CDH10: variants seen among roughly 807,000 people sequenced by gnomAD.
CDH10 encodes the protein cadherin-10.
A neutral mutation model predicts 73.1 loss-of-function variants in CDH10; 30 were observed. The observed-to-expected ratio is 0.41, with a 90% CI of 0.31 to 0.56. The LOEUF (loss-of-function observed/expected upper bound fraction) is 0.56. Among genes scored for constraint, CDH10 ranks in the 20% least tolerant of loss-of-function variants. The pLI is 0.27. For missense variants in CDH10, 815 were observed against 973.7 expected (o/e 0.84, Z 2.17); for synonymous variants, 345 against 348.2 (o/e 0.99, Z 0.10).
At chr5:24,617,668 C>T (rs1408820167) in intron 1 of CDH10, among the ~76,000 whole-genome samples, 1 of 151,956 alleles carries the variant, frequency 6.6e-6, no homozygotes, top group African/African-American at 2.4e-5. Context: ...AATATCTGAC[C>T]ACAAATTAAT....
chr5:24,560,063 T>C (rs555863399), intron 2 of CDH10, among the ~76,000 whole-genome samples: 1 of 152,290 alleles, frequency 6.6e-6, no homozygotes, highest in Non-Finnish European at 1.5e-5. Flanking sequence ...CTTTAACTTT[T>C]TAATTTAACA....
At chr5:24,572,090 A>G (rs567788025) in intron 2 of CDH10, among the ~76,000 whole-genome samples, 1 of 152,280 alleles carries the variant, frequency 6.6e-6, no homozygotes, top group East Asian at 1.9e-4. Context: ...AAAACAAAAC[A>G]AAATTTGTTG....
intron 5 of CDH10, 71 bp from the exon 6 acceptor site, chr5:24,511,585 G>A: frequency 1.5e-6 from 1 of 665,292 alleles, no homozygotes; most frequent in Non-Finnish European, 2.5e-6. Flanking sequence ...GAGAGAGAGA[G>A]AGAGAGATTT....
intron 2 of CDH10, chr5:24,578,660 C>T (rs766560751): frequency 6.5e-5 from 10 of 154,044 alleles, no homozygotes; most frequent in African/African-American, 2.4e-4. Flanking sequence ...TCAAGTATCT[C>T]TATAACCATT....
At chr5:24,607,577 G>T (rs1002173946) in intron 1 of CDH10, among the ~76,000 whole-genome samples, 5 of 152,132 alleles carry the variant, frequency 3.3e-5, no homozygotes, top group African/African-American at 1.2e-4. Context: ...AAATCCCAGA[G>T]AAATTTTAGC....
chr5:24,526,028 T>C (rs1282866492), intron 5 of CDH10, among the ~76,000 whole-genome samples: 2 of 152,036 alleles, frequency 1.3e-5, no homozygotes, highest in African/African-American at 4.8e-5. Context: ...CATAAATATA[T>C]TGTCCTAGGT....
intron 1 of CDH10, among the ~76,000 whole-genome samples, chr5:24,633,071 T>G (rs1747756331): frequency 6.6e-6 from 1 of 151,202 alleles, no homozygotes; most frequent in South Asian, 2.1e-4. Context: ...CAAAGACAAT[T>G]TATTTTGATC....
chr5:24,563,951 T>C (rs1326549399), intron 2 of CDH10, among the ~76,000 whole-genome samples: 4 of 152,322 alleles, frequency 2.6e-5, no homozygotes, highest in East Asian at 1.9e-4. Flanking sequence ...ATCATATTAA[T>C]CTGCTTCTGA....
chr5:24,569,892 T>G (rs1000269907), intron 2 of CDH10, among the ~76,000 whole-genome samples: 1 of 152,040 alleles, frequency 6.6e-6, no homozygotes, highest in Non-Finnish European at 1.5e-5. Context: ...CCTCCCGAGT[T>G]GCATGGGACG....
chr5:24,640,958 T>C (rs552074640), intron 1 of CDH10, among the ~76,000 whole-genome samples: 12 of 152,108 alleles, frequency 7.9e-5, no homozygotes, highest in African/African-American at 2.9e-4. Context: ...AAAGTTGTAT[T>C]AATAATTTTT....
intron 1 of CDH10, among the ~76,000 whole-genome samples, chr5:24,596,564 C>T (rs1746378070): frequency 6.6e-6 from 1 of 151,908 alleles, no homozygotes; most frequent in Non-Finnish European, 1.5e-5. Context: ...AATTTTTGAA[C>T]ATGTCTACCA....
rs2111635517 is a variant in CDH10 at position 24,491,567 on chromosome 5, G to T, written c.1876+9C>A. On this transcript the variant is annotated intron_variant, in intron 11 of 11. Transcript: ENST00000264463. ...AGAAAATGCTCCCATTGTTTTTAAG[G>T]TTTCTTACCCAGTAGAATGATGATG... is the stretch of plus-strand genomic sequence containing the variant. 1 of 1,600,162 alleles carries T rather than the reference G, an allele frequency of 6.2e-7. No homozygotes were observed. The highest frequency in any genetic ancestry group is 1.1e-5 in the South Asian group (1 of 89,144).
At chr5:24,496,086 T>A (rs1360607798) in intron 9 of CDH10, among the ~76,000 whole-genome samples, 1 of 152,132 alleles carries the variant, frequency 6.6e-6, no homozygotes, top group African/African-American at 2.4e-5. Flanking sequence ...TTTAGCTTTT[T>A]CTATGGAAAA....
intron 1 of CDH10, among the ~76,000 whole-genome samples, chr5:24,605,822 T>C (rs1292343599): frequency 6.6e-6 from 1 of 152,174 alleles, no homozygotes; most frequent in Non-Finnish European, 1.5e-5. Context: ...TGTCCTCAAA[T>C]GGGTGAATGG....
intron 1 of CDH10, among the ~76,000 whole-genome samples, chr5:24,629,355 C>A (rs939544104): frequency 6.6e-6 from 1 of 151,988 alleles, no homozygotes; most frequent in Non-Finnish European, 1.5e-5. Context: ...TTTCACCATA[C>A]CATAACTTCA....
chr5:24,609,473 G>T (rs895496882), intron 1 of CDH10, among the ~76,000 whole-genome samples: 2 of 152,174 alleles, frequency 1.3e-5, no homozygotes, highest in Admixed American at 1.3e-4. Flanking sequence ...ACACAATTTG[G>T]AAGGGAGGGA....
intron 5 of CDH10, among the ~76,000 whole-genome samples, chr5:24,513,663 C>A (rs1055970882): frequency 1.3e-5 from 2 of 152,178 alleles, no homozygotes; most frequent in African/African-American, 4.8e-5. Flanking sequence ...CAGTTTCCAT[C>A]ACACTGCAGT....
At chr5:24,640,273 G>T (rs1579496692) in intron 1 of CDH10, among the ~76,000 whole-genome samples, 1 of 151,470 alleles carries the variant, frequency 6.6e-6, no homozygotes, top group East Asian at 1.9e-4. Context: ...GAGGGAGATG[G>T]AAATAGATAT....
Position 24,573,926 on chromosome 5 carries a change from C to T in CDH10, c.231+19334G>A, listed in dbSNP as rs182235596. Among the ~76,000 whole-genome samples the T allele has an allele frequency of 1.6e-3, 243 of 150,044 alleles. 1 individual carries two copies. Among genetic ancestry groups the T allele is most frequent in the African/African-American group, 5.8e-3 (235 of 40,862 alleles). On this transcript the variant is annotated intron_variant, in intron 2 of 11. Transcript: ENST00000264463. ...TTGAGACGGATTCTCTCTCTGTCGC[C>T]CAGGCTGGAGTGCAGTGGCGCGATC...
Sources: gnomAD v4.1 joint callset for allele counts (sites outside exome capture counted in the v4.1 genomes callset) on GRCh38, gnomAD v4.1.1 for gene constraint, MANE v1.5 for transcripts, NCBI Gene and HGNC (gene_info 2026-07-23, HGNC 2026-07-21) for gene names.